ABTB2: variants seen among roughly 807,000 people sequenced by gnomAD.
ABTB2 encodes ankyrin repeat and BTB/POZ domain-containing protein 2.
In ABTB2, 56 loss-of-function variants were observed where a neutral mutation model predicts 104.1. The ratio of observed to expected loss-of-function variants is 0.54; its 90% CI spans 0.43 to 0.67. The LOEUF is 0.67. Ranked by LOEUF, ABTB2 falls within the 30% of genes least tolerant of loss-of-function variation. ABTB2 has a pLI of 0.00. For missense variants in ABTB2, 1,279 were observed against 1,407.7 expected, an observed-to-expected ratio of 0.91 and a Z score of 1.46; for synonymous variants, 606 against 608.2, an observed-to-expected ratio of 1.00 and a Z score of 0.05.
At chr11:34,214,175 C>CACACACACAG (rs1170701496) in intron 1 of ABTB2, among the ~76,000 whole-genome samples, 2 of 149,292 alleles carry the variant, frequency 1.3e-5, no homozygotes, top group South Asian at 4.3e-4. Context: ...CACACACACA[C>CACACACACAG]AAAGTAAATG....
chr11:34,178,711 T>C (rs960446801), intron 3 of ABTB2, among the ~76,000 whole-genome samples: 1 of 152,232 alleles, frequency 6.6e-6, no homozygotes, highest in African/African-American at 2.4e-5. Flanking sequence ...GCTGAATTTT[T>C]CCTTAGCTGG....
chr11:34,197,492 G>A lies in ABTB2; in HGVS notation c.1077C>T (p.Pro359=). ...GGGCAGGGCTGGCACCCGGGCACAG[G>A]GGGTGACGCCCCTGCATGTGGTGCA... is the stretch of plus-strand genomic sequence containing the variant. ...RAMHHMQGRH[P]LCPGASPARQ... is the part of the protein sequence containing the mutation. The change falls in exon 3 of 17, where the codon CCC becomes CCT. Residue 359 remains proline, a synonymous_variant. Transcript: ENST00000435224. The A allele has an allele frequency of 6.3e-7, 1 of 1,581,274 alleles. No homozygotes were observed.
intron 1 of ABTB2, among the ~76,000 whole-genome samples, chr11:34,250,712 T>C (rs1854045265): frequency 6.6e-6 from 1 of 152,124 alleles, no homozygotes; most frequent in South Asian, 2.1e-4. Context: ...TTTCCCTCCC[T>C]GAGAGAGAGA....
chr11:34,282,821 C>T (rs887457740), intron 1 of ABTB2, among the ~76,000 whole-genome samples: 1 of 151,992 alleles, frequency 6.6e-6, no homozygotes, highest in African/African-American at 2.4e-5. Context: ...CATGAGCCAC[C>T]GTGCCTGGCC....
Position 34,154,918 on chromosome 11 carries a change from C to G in ABTB2, c.2698-149G>C. 1 of 707,538 alleles carries G rather than the reference C, an allele frequency of 1.4e-6. No homozygotes were observed. Among genetic ancestry groups the G allele is most frequent in the South Asian group, 1.9e-5 (1 of 51,378 alleles). 43.8% of individuals were successfully genotyped at this position (707,538 alleles called of 1,614,324 possible). A position where few individuals can be genotyped will look rare whatever the true frequency, so the allele number is the denominator to read the frequency against. ...TCTGTCTCTCCCTCCCTCTCCTGCTCAGGCTGAGACTTGTGTTTTCCCGGG... is the reference window on the plus strand; with the variant it reads ...TCTGTCTCTCCCTCCCTCTCCTGCTGAGGCTGAGACTTGTGTTTTCCCGGG... On this transcript the variant is annotated intron_variant, in intron 14 of 16. Transcript: ENST00000435224. The surrounding 1 kb of genome is among the most constrained non-coding windows in gnomAD (Gnocchi z 4.9).
chr11:34,267,254 G>A (rs1854263553), intron 1 of ABTB2, among the ~76,000 whole-genome samples: 1 of 152,152 alleles, frequency 6.6e-6, no homozygotes, highest in South Asian at 2.1e-4. Flanking sequence ...GCCAATGCTG[G>A]TGGAATTCCA....
intron 1 of ABTB2, among the ~76,000 whole-genome samples, chr11:34,346,408 T>C (rs1246292857): frequency 2.0e-5 from 3 of 152,120 alleles, no homozygotes; most frequent in Non-Finnish European, 4.4e-5. Context: ...GATGCAGCTG[T>C]CAAGCACTGA....
At position 34,288,416 on chromosome 11, in the gene ABTB2, C is replaced by T. The variant is rs563747022; in HGVS notation, c.883+68285G>A. Among the ~76,000 whole-genome samples, 105 of 152,314 alleles carry T rather than the reference C, an allele frequency of 6.9e-4. 1 individual carries two copies. In the South Asian group the frequency reaches 0.019, roughly 27 times the overall value. ...AAAGAAAACAAACAAAAGATAAGGTCACTCTTCAGAGTTATCCTAAGTGCA... is the reference window on the plus strand; with the variant it reads ...AAAGAAAACAAACAAAAGATAAGGTTACTCTTCAGAGTTATCCTAAGTGCA... On this transcript the variant is annotated intron_variant, in intron 1 of 16. Transcript: ENST00000435224.
At chr11:34,277,856 G>A (rs774526370) in intron 1 of ABTB2, among the ~76,000 whole-genome samples, 43 of 140,726 alleles carry the variant, frequency 3.1e-4, no homozygotes, top group Non-Finnish European at 4.8e-4. Flanking sequence ...CCAGCCTGGA[G>A]TACAATGGCA....
rs1853790888 is a variant in ABTB2 at position 34,232,958 on chromosome 11, T to C, written c.884-28268A>G. Reference sequence around the variant, plus strand: ...CTGGGTGACAGAAGGAGACTCTGTCTCAAAAAACCCCCTAACCTCCCCCCA... The same window carrying C: ...CTGGGTGACAGAAGGAGACTCTGTCCCAAAAAACCCCCTAACCTCCCCCCA... On this transcript the variant is annotated intron_variant, in intron 1 of 16. Coordinates refer to ENST00000435224, the MANE Select transcript of ABTB2 (RefSeq NM_145804.3). Among the ~76,000 whole-genome samples the C allele has an allele frequency of 2.0e-5, 3 of 151,886 alleles. No individual in the cohort carries two copies. In the South Asian group the frequency reaches 6.2e-4, roughly 32 times the overall value.
chr11:34,293,756 CCT>C (rs1178936388), intron 1 of ABTB2, among the ~76,000 whole-genome samples: 1 of 151,708 alleles, frequency 6.6e-6, no homozygotes, highest in Non-Finnish European at 1.5e-5. Flanking sequence ...ATGGAGTCTT[CCT>C]CTGTCGCCCA....
intron 3 of ABTB2, among the ~76,000 whole-genome samples, chr11:34,175,137 G>A (rs1852946416): frequency 6.6e-6 from 1 of 152,302 alleles, no homozygotes; most frequent in South Asian, 2.1e-4. Context: ...GGCTGCCCTC[G>A]GAACCCCTAT....
chr11:34,355,746 T>A (rs1263938904), intron 1 of ABTB2, among the ~76,000 whole-genome samples: 1 of 152,188 alleles, frequency 6.6e-6, no homozygotes, highest in African/African-American at 2.4e-5. Flanking sequence ...TGCTGACTTC[T>A]CAAACTGAAG....
At chr11:34,344,159 T>C (rs746035999) in intron 1 of ABTB2, among the ~76,000 whole-genome samples, 2 of 152,172 alleles carry the variant, frequency 1.3e-5, no homozygotes, top group Non-Finnish European at 2.9e-5. Context: ...AATGGAGTCT[T>C]GCTTTCCCAG....
chr11:34,279,730 A>G (rs1854426866), intron 1 of ABTB2, among the ~76,000 whole-genome samples: 1 of 152,122 alleles, frequency 6.6e-6, no homozygotes, highest in Admixed American at 6.5e-5. Flanking sequence ...ACACTCACAG[A>G]GAAAATAACT....
At position 34,159,985 on chromosome 11, in the gene ABTB2, CCTT is replaced by C; in HGVS notation, c.2524_2526del (p.Lys842del). On this transcript the variant is annotated inframe_deletion, in exon 13 of 17. Transcript: ENST00000435224. ...ACCAGGAAGGTCACATCTGACATCT[CCTT>C]ATTGTTCAAAAAGTGTGGATCTGTG... The C allele has an allele frequency of 2.5e-6, 4 of 1,613,726 alleles. No individual in the cohort carries two copies. Among genetic ancestry groups the C allele is most frequent in the Non-Finnish European group, 3.4e-6 (4 of 1,179,848 alleles).
rs1458318240 is a variant in ABTB2 at position 34,288,757 on chromosome 11, T to A, written c.883+67944A>T. On this transcript the variant is annotated intron_variant, in intron 1 of 16. Coordinates refer to ENST00000435224, the MANE Select transcript of ABTB2 (RefSeq NM_145804.3). ...TCTGTGTTGTTGCAGAAATCACTCC[T>A]CTCCTGGGTGCACAAGGAAGGTATA... Among the ~76,000 whole-genome samples, 3 of 13,074 alleles carry A rather than the reference T, an allele frequency of 2.3e-4. No homozygotes were observed. In the East Asian group the frequency reaches 4.5e-3, roughly 20 times the overall value. The allele number at this position is 13,074 out of a possible 152,430, so 8.6% of individuals were successfully genotyped here. A position where few individuals can be genotyped will look rare whatever the true frequency, so the allele number is the denominator to read the frequency against.
intron 1 of ABTB2, among the ~76,000 whole-genome samples, chr11:34,286,697 C>T (rs1324447519): frequency 5.9e-5 from 9 of 152,164 alleles, no homozygotes. Context: ...TTTTGGTTCT[C>T]ACCATCCATC....
At chr11:34,312,153 A>T (rs893275741) in intron 1 of ABTB2, among the ~76,000 whole-genome samples, 1 of 149,832 alleles carries the variant, frequency 6.7e-6, no homozygotes, top group Non-Finnish European at 1.5e-5. Context: ...AAAAAAAAAA[A>T]AAGAAAAAGA....
Sources: gnomAD v4.1 joint callset for allele counts (sites outside exome capture counted in the v4.1 genomes callset) on GRCh38, gnomAD v4.1.1 for gene constraint, Gnocchi (gnomAD v3.1) non-coding constraint, MANE v1.5 for transcripts, NCBI Gene and HGNC (gene_info 2026-07-23, HGNC 2026-07-21) for gene names.